The following SLC35F1 variants were observed in gnomAD, a reference collection of about 807,000 sequenced individuals.
SLC35F1 encodes solute carrier family 35 member F1.
SLC35F1 carries 14 observed loss-of-function variants against 48.7 expected under a neutral mutation model. The ratio of observed to expected loss-of-function variants is 0.29; its 90% confidence interval spans 0.19 to 0.45. SLC35F1 has a LOEUF of 0.45. SLC35F1 is among the 20% of genes least tolerant of loss of function. The probability of loss-of-function intolerance (pLI) is 1.00; values close to 1 mark genes in which losing one functional copy is unlikely to be tolerated. For synonymous variants in SLC35F1, 190 were observed against 202.2 expected (o/e 0.94, Z 0.51); for missense variants, 404 against 500.0 (o/e 0.81, Z 1.83).
At chr6:118,207,236 T>C (rs1322357783) in intron 2 of SLC35F1, among the ~76,000 whole-genome samples, 1 of 152,196 alleles carries the variant, frequency 6.6e-6, no homozygotes, top group East Asian at 1.9e-4. Flanking sequence ...ATTGGATTAA[T>C]CAATATTAAA....
At chr6:118,302,009 G>T (rs913529691) in intron 7 of SLC35F1, among the ~76,000 whole-genome samples, 2 of 151,880 alleles carry the variant, frequency 1.3e-5, no homozygotes, top group African/African-American at 4.8e-5. Flanking sequence ...CTTCAAATGT[G>T]CAAACTTGTT....
At chr6:118,071,886 A>G (rs1174090683) in intron 1 of SLC35F1, among the ~76,000 whole-genome samples, 2 of 152,318 alleles carry the variant, frequency 1.3e-5, no homozygotes, top group Middle Eastern at 3.4e-3. Context: ...GAATTTCACA[A>G]GGATGTCACT....
At position 118,316,914 on chromosome 6, in the gene SLC35F1, A is replaced by AG. The variant is rs1776444404; in HGVS notation, c.*2664dup. 6.6e-6 allele frequency: 1 copy of AG among 152,026 alleles called. No individual in the cohort carries two copies. The highest frequency in any genetic ancestry group is 2.4e-5 in the African/African-American group (1 of 41,040). 9.4% of individuals were successfully genotyped at this position (152,026 alleles called of 1,614,324 possible). A position where few individuals can be genotyped will look rare whatever the true frequency, so the allele number is the denominator to read the frequency against. ...ATCAGGAGTTCCAGACTGACCCTCC[A>AG]GGAAAAAAAAAATCGCAAAGAACAA... On this transcript the variant is annotated 3_prime_UTR_variant, in exon 8 of 8. Transcript: ENST00000360388.
At chr6:118,186,462 A>G (rs1055504688) in intron 2 of SLC35F1, among the ~76,000 whole-genome samples, 1 of 149,658 alleles carries the variant, frequency 6.7e-6, no homozygotes, top group African/African-American at 2.5e-5. Flanking sequence ...ATGCATTGCC[A>G]TAGCTGCATG....
intron 1 of SLC35F1, among the ~76,000 whole-genome samples, chr6:118,074,953 A>G (rs1772796059): frequency 6.6e-6 from 1 of 152,210 alleles, no homozygotes; most frequent in African/African-American, 2.4e-5. Context: ...CGAGACACAT[A>G]GATTTAAAAA....
rs59548308 is a variant in SLC35F1 at position 118,085,487 on chromosome 6, C to CTTTTTTTTTTTTTTT, written c.174-68944_174-68930dup. Among the ~76,000 whole-genome samples the CTTTTTTTTTTTTTTT allele has an allele frequency of 1.9e-4, 11 of 56,956 alleles. 3 individuals are homozygous for CTTTTTTTTTTTTTTT. Among genetic ancestry groups the CTTTTTTTTTTTTTTT allele is most frequent in the East Asian group, 1.1e-3 (2 of 1,774 alleles). 37.4% of individuals were successfully genotyped at this position (56,956 alleles called of 152,430 possible). A position where few individuals can be genotyped will look rare whatever the true frequency, so the allele number is the denominator to read the frequency against. On this transcript the variant is annotated intron_variant, in intron 1 of 7. Transcript: ENST00000360388. The stretch of plus-strand genomic sequence containing the variant: ...TTTTCTCTTTTTTTTTCTTTCTTTC[C>CTTTTTTTTTTTTTTT]TTTTTTTTTTTTTTTTTTTTTTTTT...
intron 1 of SLC35F1, among the ~76,000 whole-genome samples, chr6:117,985,973 C>T (rs2114853804): frequency 6.6e-6 from 1 of 152,254 alleles, no homozygotes; most frequent in South Asian, 2.1e-4. Context: ...GATGGGGTAT[C>T]ACAAAGGACT....
intron 2 of SLC35F1, among the ~76,000 whole-genome samples, chr6:118,225,784 G>A (rs1467492805): frequency 6.6e-6 from 1 of 151,604 alleles, no homozygotes; most frequent in Admixed American, 6.6e-5. Flanking sequence ...GCTGAGGCAG[G>A]AGAATGGCAT....
intron 1 of SLC35F1, among the ~76,000 whole-genome samples, chr6:118,115,498 A>G (rs1468599667): frequency 6.6e-6 from 1 of 152,194 alleles, no homozygotes; most frequent in African/African-American, 2.4e-5. Flanking sequence ...CACAACATTT[A>G]ACATCAATTG....
At chr6:118,233,960 T>A (rs1297707628) in intron 2 of SLC35F1, among the ~76,000 whole-genome samples, 1 of 152,170 alleles carries the variant, frequency 6.6e-6, no homozygotes, top group East Asian at 1.9e-4. Context: ...TGGCCACAAC[T>A]CATGCTTTGA....
At chr6:118,022,770 TGA>T (rs1372312645) in intron 1 of SLC35F1, among the ~76,000 whole-genome samples, 4 of 135,040 alleles carry the variant, frequency 3.0e-5, no homozygotes, top group Non-Finnish European at 6.3e-5. Context: ...TTTTTTTTTT[TGA>T]GAGAGTCTGA....
chr6:118,096,910 G>A (rs1051399523), intron 1 of SLC35F1, among the ~76,000 whole-genome samples: 11 of 152,072 alleles, frequency 7.2e-5, no homozygotes, highest in Non-Finnish European at 1.5e-4. Flanking sequence ...ATTCCAAACA[G>A]AATTGATCAT....
At chr6:117,969,285 G>A (rs1011707632) in intron 1 of SLC35F1, among the ~76,000 whole-genome samples, 1 of 152,016 alleles carries the variant, frequency 6.6e-6, no homozygotes, top group African/African-American at 2.4e-5. Flanking sequence ...TTTTTTATTT[G>A]TGTCCATACT....
intron 1 of SLC35F1, among the ~76,000 whole-genome samples, chr6:117,985,064 T>C (rs1218704807): frequency 6.6e-6 from 1 of 152,248 alleles, no homozygotes; most frequent in African/African-American, 2.4e-5. Flanking sequence ...GATCACACTT[T>C]GATAAAACTT....
chr6:117,957,949 G>T (rs1385740192), intron 1 of SLC35F1, among the ~76,000 whole-genome samples: 1 of 152,170 alleles, frequency 6.6e-6, no homozygotes, highest in Non-Finnish European at 1.5e-5. Context: ...GCCTCAGGCA[G>T]GTCCTTCAGG....
chr6:118,201,357 T>C (rs894680512), intron 2 of SLC35F1, among the ~76,000 whole-genome samples: 1 of 152,204 alleles, frequency 6.6e-6, no homozygotes, highest in African/African-American at 2.4e-5. Context: ...ACTGAACAAG[T>C]AGCAGTTTCC....
intron 1 of SLC35F1, among the ~76,000 whole-genome samples, chr6:118,063,449 A>G (rs1215768032): frequency 6.6e-6 from 1 of 152,192 alleles, no homozygotes; most frequent in Non-Finnish European, 1.5e-5. Flanking sequence ...TTTTCAGTGC[A>G]ATATTAGGCA....
chr6:117,942,737 G>T (rs1776247520), intron 1 of SLC35F1, among the ~76,000 whole-genome samples: 1 of 152,152 alleles, frequency 6.6e-6, no homozygotes. Flanking sequence ...TCTATCAGTG[G>T]TTAGCCACTG....
intron 1 of SLC35F1, among the ~76,000 whole-genome samples, chr6:118,039,684 G>C (rs1347328389): frequency 6.6e-6 from 1 of 150,826 alleles, no homozygotes; most frequent in Non-Finnish European, 1.5e-5. Context: ...AAAATATCTG[G>C]TTTGGTCTCC....
Sources: allele counts gnomAD v4.1 joint callset (sites outside exome capture counted in the v4.1 genomes callset), GRCh38; gene constraint gnomAD v4.1.1; transcripts MANE v1.5; gene names NCBI Gene and HGNC (gene_info 2026-07-23, HGNC 2026-07-21).